The following NRXN3 variants were observed in gnomAD, a reference collection of about 807,000 sequenced individuals.
NRXN3 encodes the protein neurexin 3.
NRXN3 carries 32 observed loss-of-function variants against 137.6 expected under a neutral mutation model. That is an observed-to-expected ratio of 0.23 (90% CI 0.18 to 0.31). NRXN3 has a LOEUF of 0.31. Among genes scored for constraint, NRXN3 ranks in the 10% least tolerant of loss-of-function variants. The pLI is 1.00. For missense variants in NRXN3, 1,574 were observed against 2,062.5 expected (o/e 0.76, Z 4.59); for synonymous variants, 798 against 784.5 (o/e 1.02, Z -0.29).
chr14:79,456,458 G>T (rs2096257908), intron 15 of NRXN3, among the ~76,000 whole-genome samples: 1 of 152,166 alleles, frequency 6.6e-6, no homozygotes, highest in African/African-American at 2.4e-5. Context: ...CAGGCACAGT[G>T]GCTCATGCTT....
At chr14:78,171,768 T>C (rs1465560594) in intron 1 of NRXN3, among the ~76,000 whole-genome samples, 1 of 152,008 alleles carries the variant, frequency 6.6e-6, no homozygotes, top group East Asian at 1.9e-4. Context: ...CCTTCCTCCA[T>C]TAAATGTCTG....
intron 10 of NRXN3, among the ~76,000 whole-genome samples, chr14:78,838,432 A>T (rs2099003016): frequency 6.6e-6 from 1 of 152,180 alleles, no homozygotes; most frequent in Non-Finnish European, 1.5e-5. Flanking sequence ...CTATGTGTTG[A>T]ATCATTATGT....
chr14:78,483,248 GTC>G (rs2095503193), intron 4 of NRXN3, among the ~76,000 whole-genome samples: 1 of 152,138 alleles, frequency 6.6e-6, no homozygotes, highest in African/African-American at 2.4e-5. Flanking sequence ...ACGTGACTCT[GTC>G]TGCATCTGCA....
chr14:78,367,435 A>G (rs1477555756), intron 4 of NRXN3, among the ~76,000 whole-genome samples: 1 of 152,184 alleles, frequency 6.6e-6, no homozygotes, highest in Non-Finnish European at 1.5e-5. Flanking sequence ...AAGCAGCCCA[A>G]TACTTAACAG....
chr14:79,515,369 A>G (rs2096972980), intron 16 of NRXN3, among the ~76,000 whole-genome samples: 1 of 150,602 alleles, frequency 6.6e-6, no homozygotes, highest in Non-Finnish European at 1.5e-5. Flanking sequence ...ATGATGACTC[A>G]GTGGATGGGG....
chr14:79,090,175 G>A (rs919413514), intron 15 of NRXN3, among the ~76,000 whole-genome samples: 1 of 151,982 alleles, frequency 6.6e-6, no homozygotes, highest in African/African-American at 2.4e-5. Context: ...TGTCTTTCCT[G>A]GTTCTAGATT....
Position 78,714,862 on chromosome 14 carries a change from T to C in NRXN3, c.1767T>C (p.Arg589=), listed in dbSNP as rs1385812796. 2 of 1,614,170 alleles carry C rather than the reference T, an allele frequency of 1.2e-6. No individual in the cohort carries two copies. Among genetic ancestry groups the C allele is most frequent in the Non-Finnish European group, 1.7e-6 (2 of 1,180,018 alleles). The change falls in exon 8 of 21, where the codon CGT becomes CGC. Residue 589 remains arginine (R), a synonymous_variant. Coordinates refer to ENST00000335750, the MANE Select transcript of NRXN3 (RefSeq NM_001330195.2). The stretch of plus-strand genomic sequence containing the variant: ...ACCTGGGAGGGCTGCCGGAGAACCG[T>C]GCTGGCCTTATTCTCCCCACCGAGC... The part of the protein sequence containing the change: ...DMYLGGLPEN[R]AGLILPTELW...
At chr14:79,689,371 A>C (rs1297787409) in intron 17 of NRXN3, among the ~76,000 whole-genome samples, 1 of 152,138 alleles carries the variant, frequency 6.6e-6, no homozygotes, top group Non-Finnish European at 1.5e-5. Context: ...CAAATAACTC[A>C]TTCTCATGCA....
chr14:78,359,343 C>A (rs2153603552), intron 4 of NRXN3, among the ~76,000 whole-genome samples: 1 of 152,264 alleles, frequency 6.6e-6, no homozygotes, highest in South Asian at 2.1e-4. Flanking sequence ...CCAGGTGATT[C>A]TAATGTACAG....
At chr14:78,587,624 A>AT (rs1435981241) in intron 4 of NRXN3, among the ~76,000 whole-genome samples, 5 of 152,194 alleles carry the variant, frequency 3.3e-5, no homozygotes, top group African/African-American at 9.6e-5. Flanking sequence ...AAATTTTCAG[A>AT]TTTTATCCCT....
intron 19 of NRXN3, among the ~76,000 whole-genome samples, chr14:79,800,248 A>C (rs995821674): frequency 1.3e-5 from 2 of 152,250 alleles, no homozygotes; most frequent in African/African-American, 4.8e-5. Flanking sequence ...GTAACTATGA[A>C]TAGAAGAGTT....
At chr14:79,239,649 G>T (rs1381304361) in intron 15 of NRXN3, among the ~76,000 whole-genome samples, 2 of 152,192 alleles carry the variant, frequency 1.3e-5, no homozygotes, top group African/African-American at 4.8e-5. Flanking sequence ...TCCCACTACT[G>T]GGTATATATC....
chr14:79,807,662 T>C (rs2099213483), intron 20 of NRXN3, among the ~76,000 whole-genome samples: 1 of 152,176 alleles, frequency 6.6e-6, no homozygotes, highest in African/African-American at 2.4e-5. Context: ...GAACAATCTG[T>C]TGTGTTCTGT....
chr14:78,502,039 G>A (rs901014871), intron 4 of NRXN3, among the ~76,000 whole-genome samples: 14 of 152,102 alleles, frequency 9.2e-5, no homozygotes, highest in African/African-American at 3.4e-4. Context: ...GCCCAGAGAT[G>A]TGTTCGCACA....
At chr14:79,691,132 C>T (rs1456307068) in intron 17 of NRXN3, among the ~76,000 whole-genome samples, 1 of 152,060 alleles carries the variant, frequency 6.6e-6, no homozygotes, top group Non-Finnish European at 1.5e-5. Flanking sequence ...GGGTGTATCT[C>T]CACAGCACCA....
At chr14:78,961,823 C>A (rs1340631122) in intron 11 of NRXN3, among the ~76,000 whole-genome samples, 2 of 152,142 alleles carry the variant, frequency 1.3e-5, no homozygotes, top group Admixed American at 6.6e-5. Context: ...TTGAACCTGG[C>A]CAGAATTTTC....
intron 8 of NRXN3, among the ~76,000 whole-genome samples, chr14:78,763,225 T>G (rs1390179615): frequency 1.3e-5 from 2 of 152,194 alleles, no homozygotes; most frequent in Non-Finnish European, 2.9e-5. Flanking sequence ...GCAAAATTCT[T>G]TGAGGCTTAA....
chr14:78,209,364 C>G (rs1274889228), intron 1 of NRXN3, among the ~76,000 whole-genome samples: 2 of 152,138 alleles, frequency 1.3e-5, no homozygotes, highest in Non-Finnish European at 2.9e-5. Flanking sequence ...CAGGTCTGCT[C>G]TCAGGGCCGG....
intron 4 of NRXN3, among the ~76,000 whole-genome samples, chr14:78,574,705 G>T (rs1241853711): frequency 6.6e-6 from 1 of 152,188 alleles, no homozygotes; most frequent in African/African-American, 2.4e-5. Context: ...CAGGCTCATA[G>T]GTGGAAGGGA....
Sources: allele counts gnomAD v4.1 joint callset (sites outside exome capture counted in the v4.1 genomes callset), GRCh38; gene constraint gnomAD v4.1.1; transcripts MANE v1.5; gene names NCBI Gene and HGNC (gene_info 2026-07-23, HGNC 2026-07-21).